PHACTR1: variants seen among roughly 807,000 people sequenced by gnomAD.
PHACTR1 encodes the protein RPEL repeat containing 1.
PHACTR1 carries 16 observed loss-of-function variants against 69.2 expected under a neutral mutation model. The observed-to-expected ratio is 0.23, with a 90% CI of 0.16 to 0.35. The LOEUF is 0.35. Among genes scored for constraint, PHACTR1 ranks in the 10% least tolerant of loss-of-function variants. The pLI, the probability that PHACTR1 is intolerant of heterozygous loss-of-function variation, is 1.00. For missense variants in PHACTR1, 510 were observed against 734.7 expected, an observed-to-expected ratio of 0.69 and a Z score of 3.54; for synonymous variants, 312 against 284.5, an observed-to-expected ratio of 1.10 and a Z score of -0.97.
chr6:12,768,230 T>C (rs529350122), intron 4 of PHACTR1, among the ~76,000 whole-genome samples: 1 of 147,112 alleles, frequency 6.8e-6, no homozygotes, highest in South Asian at 2.3e-4. Context: ...TTCTCCTGCC[T>C]CAGCCTCCGG....
chr6:12,754,224 T>C (rs753027356), intron 4 of PHACTR1, among the ~76,000 whole-genome samples: 1 of 150,980 alleles, frequency 6.6e-6, no homozygotes, highest in Non-Finnish European at 1.5e-5. Context: ...CCACCTGCCT[T>C]GGCCTCCCAA....
At chr6:13,125,016 C>A (rs1035275315) in intron 5 of PHACTR1, among the ~76,000 whole-genome samples, 1 of 152,134 alleles carries the variant, frequency 6.6e-6, no homozygotes, top group African/African-American at 2.4e-5. Context: ...TCCATCTACT[C>A]CTGAAGCACC....
chr6:13,243,088 AT>A (rs1042211852), intron 10 of PHACTR1, among the ~76,000 whole-genome samples: 3 of 151,022 alleles, frequency 2.0e-5, no homozygotes, highest in South Asian at 4.2e-4. Flanking sequence ...TTCTCTTGCC[AT>A]TTTTTTTTCC....
At chr6:12,877,511 G>T (rs566316475) in intron 4 of PHACTR1, among the ~76,000 whole-genome samples, 4 of 152,114 alleles carry the variant, frequency 2.6e-5, no homozygotes. Context: ...GTATACCGGA[G>T]CATCCAGCAT....
chr6:13,132,081 C>T (rs1236130989), intron 5 of PHACTR1, among the ~76,000 whole-genome samples: 1 of 152,196 alleles, frequency 6.6e-6, no homozygotes, highest in Non-Finnish European at 1.5e-5. Context: ...TGACTCTCAT[C>T]TCAGGCATCA....
chr6:13,080,087 A>G (rs1811137015), intron 5 of PHACTR1, among the ~76,000 whole-genome samples: 1 of 152,180 alleles, frequency 6.6e-6, no homozygotes, highest in African/African-American at 2.4e-5. Context: ...TATAAGAAAC[A>G]TGCCACATAG....
chr6:13,043,234 C>G (rs1435455214), intron 4 of PHACTR1, among the ~76,000 whole-genome samples: 5 of 152,196 alleles, frequency 3.3e-5, no homozygotes, highest in African/African-American at 9.7e-5. Flanking sequence ...CGAGACCAGC[C>G]TGGCCAACAT....
At chr6:12,934,338 C>T (rs1463488870) in intron 4 of PHACTR1, among the ~76,000 whole-genome samples, 6 of 152,156 alleles carry the variant, frequency 3.9e-5, no homozygotes, top group South Asian at 2.1e-4. Context: ...TCTATAAAGA[C>T]GCTATTTCCA....
chr6:13,008,387 A>G (rs957249946), intron 4 of PHACTR1, among the ~76,000 whole-genome samples: 2 of 152,226 alleles, frequency 1.3e-5, no homozygotes, highest in Non-Finnish European at 2.9e-5. Context: ...ATACAGCTGG[A>G]CCAGTGCTGA....
chr6:12,786,523 C>T (rs190197715), intron 4 of PHACTR1, among the ~76,000 whole-genome samples: 1 of 152,294 alleles, frequency 6.6e-6, no homozygotes, highest in Admixed American at 6.5e-5. Context: ...CTGGAAAGTG[C>T]GAATTGTTAA....
intron 9 of PHACTR1, among the ~76,000 whole-genome samples, chr6:13,229,670 G>T (rs1447752303): frequency 6.6e-6 from 1 of 152,146 alleles, no homozygotes; most frequent in East Asian, 1.9e-4. Flanking sequence ...TGCTTCAGGT[G>T]TCAGCCCCTC....
At chr6:12,761,303 T>C (rs907146169) in intron 4 of PHACTR1, among the ~76,000 whole-genome samples, 3 of 152,184 alleles carry the variant, frequency 2.0e-5, no homozygotes, top group Admixed American at 6.5e-5. Flanking sequence ...TGATTTCCCC[T>C]AAAGTGTTGC....
At chr6:13,109,176 A>G (rs953695528) in intron 5 of PHACTR1, among the ~76,000 whole-genome samples, 1 of 152,054 alleles carries the variant, frequency 6.6e-6, no homozygotes, top group East Asian at 1.9e-4. Context: ...TACTTTTTTT[A>G]TACAGGTAAT....
intron 4 of PHACTR1, among the ~76,000 whole-genome samples, chr6:12,768,308 G>T (rs1287100566): frequency 6.6e-6 from 1 of 151,954 alleles, no homozygotes; most frequent in Non-Finnish European, 1.5e-5. Flanking sequence ...TAGAGACGGG[G>T]TTTCACCGTG....
chr6:13,181,686 G>A (rs1207631953), intron 6 of PHACTR1, among the ~76,000 whole-genome samples: 1 of 152,096 alleles, frequency 6.6e-6, no homozygotes, highest in African/African-American at 2.4e-5. Context: ...TCCCAGCATC[G>A]CTGAGTGGCT....
At chr6:12,978,794 A>G (rs1795181762) in intron 4 of PHACTR1, among the ~76,000 whole-genome samples, 1 of 152,360 alleles carries the variant, frequency 6.6e-6, no homozygotes, top group African/African-American at 2.4e-5. Flanking sequence ...CTCAAGGGAA[A>G]GAAGTGTTTC....
intron 4 of PHACTR1, among the ~76,000 whole-genome samples, chr6:12,873,333 A>G (rs1782242377): frequency 6.6e-6 from 1 of 152,080 alleles, no homozygotes; most frequent in Admixed American, 6.6e-5. Flanking sequence ...CTTTCTTAAG[A>G]TAAGACCAGT....
intron 4 of PHACTR1, among the ~76,000 whole-genome samples, chr6:12,845,118 T>C (rs1193466172): frequency 6.6e-6 from 1 of 152,230 alleles, no homozygotes; most frequent in African/African-American, 2.4e-5. Flanking sequence ...CATCTGAGCG[T>C]TGGATCGACG....
intron 4 of PHACTR1, among the ~76,000 whole-genome samples, chr6:12,773,682 A>G (rs1769675993): frequency 1.3e-5 from 2 of 152,204 alleles, no homozygotes; most frequent in African/African-American, 4.8e-5. Flanking sequence ...TGCTTCAGGC[A>G]TCAACTTGGC....
Sources: allele counts gnomAD v4.1 joint callset (sites outside exome capture counted in the v4.1 genomes callset), GRCh38; gene constraint gnomAD v4.1.1; transcripts MANE v1.5; gene names NCBI Gene and HGNC (gene_info 2026-07-23, HGNC 2026-07-21).